The following MAP1LC3C variants were observed in gnomAD, a reference collection of about 807,000 sequenced individuals.
MAP1LC3C encodes the protein microtubule-associated protein 1 light chain 3 gamma.
In MAP1LC3C, 12 loss-of-function variants were observed where a neutral mutation model predicts 10.4. The observed-to-expected ratio is 1.15, with a 90% CI of 0.74 to 1.86. The LOEUF is 1.86. Ranked by LOEUF, MAP1LC3C falls within the 40% of genes most tolerant of loss-of-function variation. The pLI is 0.00. For missense variants in MAP1LC3C, 177 were observed against 185.7 expected (o/e 0.95, Z 0.27); for synonymous variants, 70 against 69.0 (o/e 1.01, Z -0.07).
chr1:242,000,263 CAG>C (rs575026756), upstream of MAP1LC3C, among the ~76,000 whole-genome samples: 4 of 152,182 alleles, frequency 2.6e-5, no homozygotes, highest in South Asian at 4.1e-4. Flanking sequence ...TTGTTTGAAA[CAG>C]AGTCTTGCTC....
chr1:241,998,907 C>G, intron 1 of MAP1LC3C, 44 bp downstream of exon 1: 1 of 1,613,334 alleles, frequency 6.2e-7, no homozygotes, highest in South Asian at 1.1e-5. Flanking sequence ...GCCAGATCCG[C>G]TCCTCTCTTT....
intron 2 of MAP1LC3C, 37 bp from the exon 3 acceptor site, chr1:241,998,657 C>A (rs764096939): frequency 6.2e-7 from 1 of 1,606,156 alleles, no homozygotes; most frequent in Non-Finnish European, 8.5e-7. Context: ...TGTGACTCAG[C>A]GTGAGTGTTA....
At position 241,996,317 on chromosome 1, in the gene MAP1LC3C, ATGC is replaced by A. The variant is rs767703446; in HGVS notation, c.287_289del (p.Ser96del). The A allele has an allele frequency of 6.2e-6, 10 of 1,613,686 alleles. No individual in the cohort carries two copies. Among genetic ancestry groups the A allele is most frequent in the Non-Finnish European group, 7.6e-6 (9 of 1,179,938 alleles). Reference sequence around the variant, plus strand: ...GTAGATCTCTGCCATGGTTGCGCTCATGCTGACCAGGCTCTTGTTGTTCACCAG... The same window carrying A: ...GTAGATCTCTGCCATGGTTGCGCTCATGACCAGGCTCTTGTTGTTCACCAG... On this transcript the variant is annotated inframe_deletion, in exon 4 of 4. Transcript: ENST00000357246.
upstream of MAP1LC3C, among the ~76,000 whole-genome samples, chr1:241,999,525 G>T (rs1252025031): frequency 6.6e-6 from 1 of 152,186 alleles, no homozygotes; most frequent in East Asian, 1.9e-4. Flanking sequence ...AGTAAGAGAA[G>T]CGGTATGGAT....
chr1:241,998,047 A>G (rs1665123106), intron 3 of MAP1LC3C, among the ~76,000 whole-genome samples: 1 of 88,596 alleles, frequency 1.1e-5, no homozygotes, highest in Non-Finnish European at 2.3e-5. Context: ...TTTTTTTGAG[A>G]CAGAGTTTCA....
At chr1:242,000,014 C>T (rs1665164639), upstream of MAP1LC3C, among the ~76,000 whole-genome samples, 1 of 149,376 alleles carries the variant, frequency 6.7e-6, no homozygotes, top group African/African-American at 2.5e-5. Flanking sequence ...CTCCTATATT[C>T]TCACAACACA....
At chr1:241,996,790 G>A (rs1319470746) in intron 3 of MAP1LC3C, among the ~76,000 whole-genome samples, 5 of 150,526 alleles carry the variant, frequency 3.3e-5, no homozygotes, top group Admixed American at 6.7e-5. Flanking sequence ...GTGTGGTGGC[G>A]TGAACCTGTA....
intron 3 of MAP1LC3C, 49 bp from the exon 4 acceptor site, chr1:241,996,434 G>C: frequency 6.8e-7 from 1 of 1,464,908 alleles, no homozygotes; most frequent in Non-Finnish European, 9.5e-7. Flanking sequence ...AGACAGCCCA[G>C]GGATCTGCAG....
At chr1:241,997,755 C>T (rs1303027001) in intron 3 of MAP1LC3C, among the ~76,000 whole-genome samples, 1 of 152,118 alleles carries the variant, frequency 6.6e-6, no homozygotes, top group Non-Finnish European at 1.5e-5. Flanking sequence ...TTGGGGGATG[C>T]TTTTCTCTCT....
chr1:241,996,718 C>T lies in MAP1LC3C; in HGVS notation c.222-333G>A, dbSNP rs897480009. On this transcript the variant is annotated intron_variant, in intron 3 of 3. Transcript: ENST00000357246. Reference sequence around the variant, plus strand: ...CAGGCAGCTCACGAGGTCAAGAAATCGAGGCCATCCTGGCCAACATGGTGA... The same window carrying T: ...CAGGCAGCTCACGAGGTCAAGAAATTGAGGCCATCCTGGCCAACATGGTGA... Among the ~76,000 whole-genome samples, 5 of 151,696 alleles carry T rather than the reference C, an allele frequency of 3.3e-5. No individual in the cohort carries two copies. The East Asian group carries it at 7.9e-4, about 24-fold the overall frequency.
At chr1:241,998,048 CAG>C (rs1227441172) in intron 3 of MAP1LC3C, among the ~76,000 whole-genome samples, 2 of 77,104 alleles carry the variant, frequency 2.6e-5, no homozygotes, top group Non-Finnish European at 4.9e-5. Context: ...TTTTTTGAGA[CAG>C]AGTTTCACTC....
upstream of MAP1LC3C, among the ~76,000 whole-genome samples, chr1:242,000,686 G>A (rs1317263171): frequency 2.6e-5 from 4 of 152,162 alleles, no homozygotes; most frequent in Non-Finnish European, 5.9e-5. Context: ...TACAGATGAA[G>A]AGATGCATAG....
At chr1:241,997,955 G>A (rs1325764615) in intron 3 of MAP1LC3C, among the ~76,000 whole-genome samples, 1 of 151,202 alleles carries the variant, frequency 6.6e-6, no homozygotes, top group African/African-American at 2.4e-5. Context: ...TAGAAATGTT[G>A]GCAGGTCTTT....
intron 2 of MAP1LC3C, 57 bp downstream of exon 2, chr1:241,998,719 G>C: frequency 6.2e-6 from 10 of 1,611,966 alleles, no homozygotes; most frequent in African/African-American, 1.3e-5. Flanking sequence ...GTTTTTCAGA[G>C]AACAGGATCG....
At chr1:241,998,433 T>C (rs995853100) in intron 3 of MAP1LC3C, 81 bp downstream of exon 3, 3 of 1,264,306 alleles carry the variant, frequency 2.4e-6, no homozygotes, top group Non-Finnish European at 2.3e-6. Context: ...ATCCCCAAAA[T>C]AAAACTGCCA....
At position 241,996,297 on chromosome 1, in the gene MAP1LC3C, T is replaced by A; in HGVS notation, c.310A>T (p.Ile104Phe). ...TCCTCATCCTTGTAGTCTCTGTAGA[T>A]CTCTGCCATGGTTGCGCTCATGCTG... is the stretch of plus-strand genomic sequence containing the variant. ...LVSMSATMAE[I>F]YRDYKDEDGF... Residue 104 changes from isoleucine to phenylalanine, a missense_variant, in exon 4 of 4, where the codon ATC becomes TTC. Coordinates refer to ENST00000357246, the MANE Select transcript of MAP1LC3C (RefSeq NM_001004343.3). 6.2e-7 allele frequency: 1 copy of A among 1,614,124 alleles called. No individual in the cohort carries two copies.
rs878968001 is a variant in MAP1LC3C at position 241,996,111 on chromosome 1, T to A, written c.*52A>T. The A allele has an allele frequency of 1.3e-6, 2 of 1,534,948 alleles. No individual in the cohort carries two copies. The highest frequency in any genetic ancestry group is 1.2e-5 in the South Asian group (1 of 83,760). On this transcript the variant is annotated 3_prime_UTR_variant, in exon 4 of 4. Transcript: ENST00000357246. ...GTATACACAGGAGAAAACCAATCCC[T>A]TCTGCCAGCATCTGACACGTCTGTC... is the stretch of plus-strand genomic sequence containing the variant.
Position 241,995,870 on chromosome 1 carries a change from G to T in MAP1LC3C, c.*293C>A. ...GGAGGCGGAGGTTGCAGTGAGCCAA[G>T]ATCATGCCACTGTGCTCCAGCCTAG... On this transcript the variant is annotated 3_prime_UTR_variant, in exon 4 of 4. Coordinates refer to ENST00000357246, the MANE Select transcript of MAP1LC3C (RefSeq NM_001004343.3). 1 of 226,994 alleles carries T rather than the reference G, an allele frequency of 4.4e-6. No individual in the cohort carries two copies. The highest frequency in any genetic ancestry group is 8.7e-6 in the Non-Finnish European group (1 of 115,268). 14.1% of individuals were successfully genotyped at this position (226,994 alleles called of 1,614,324 possible). A position where few individuals can be genotyped will look rare whatever the true frequency, so the allele number is the denominator to read the frequency against.
Position 241,996,088 on chromosome 1 carries a change from A to G in MAP1LC3C, c.*75T>C. The G allele has an allele frequency of 2.9e-6, 4 of 1,371,118 alleles. No homozygotes were observed. Among genetic ancestry groups the G allele is most frequent in the South Asian group, 1.3e-5 (1 of 75,696 alleles). The allele number at this position is 1,371,118 out of a possible 1,614,324, so 84.9% of individuals were successfully genotyped here. On this transcript the variant is annotated 3_prime_UTR_variant, in exon 4 of 4. Coordinates refer to ENST00000357246, the MANE Select transcript of MAP1LC3C (RefSeq NM_001004343.3). ...CCTGCTTCTCAGACTCCTCCACTGT[A>G]TACACAGGAGAAAACCAATCCCTTC...
Sources: allele counts gnomAD v4.1 joint callset (sites outside exome capture counted in the v4.1 genomes callset), GRCh38; gene constraint gnomAD v4.1.1; transcripts MANE v1.5; gene names NCBI Gene and HGNC (gene_info 2026-07-23, HGNC 2026-07-21).